Variants in PRKAR2A observed in about 807,000 individuals in gnomAD.
The protein encoded by PRKAR2A is cAMP-dependent protein kinase type II-alpha regulatory subunit.
In PRKAR2A, 29 loss-of-function variants were observed where a neutral mutation model predicts 51.9. The observed-to-expected ratio is 0.56, with a 90% CI of 0.42 to 0.76. The LOEUF (loss-of-function observed/expected upper bound fraction) is 0.76, where lower values mean the gene tolerates loss of function less well. Among genes scored for constraint, PRKAR2A ranks in the 30% least tolerant of loss-of-function variants. The pLI, the probability that PRKAR2A is intolerant of heterozygous loss-of-function variation, is 0.00. For missense variants in PRKAR2A, 445 were observed against 512.1 expected (o/e 0.87, Z 1.26); for synonymous variants, 178 against 186.2 (o/e 0.96, Z 0.36).
intron 8 of PRKAR2A, among the ~76,000 whole-genome samples, chr3:48,760,745 G>C (rs2081851583): frequency 6.7e-6 from 1 of 150,288 alleles, no homozygotes. Flanking sequence ...TGAGGCAGGA[G>C]AATCGCTTGA....
chr3:48,757,940 C>T (rs150292732), intron 8 of PRKAR2A, among the ~76,000 whole-genome samples: 29 of 152,250 alleles, frequency 1.9e-4, no homozygotes, highest in African/African-American at 6.7e-4. Context: ...CCTGTAATCC[C>T]AGCTACTTGG....
intron 2 of PRKAR2A, among the ~76,000 whole-genome samples, chr3:48,807,269 G>C (rs1034241667): frequency 6.6e-6 from 1 of 152,090 alleles, no homozygotes; most frequent in South Asian, 2.1e-4. Flanking sequence ...TCTCTGACCA[G>C]AGAATGCCAC....
chr3:48,844,987 G>GA (rs1361181575), intron 1 of PRKAR2A, among the ~76,000 whole-genome samples: 4 of 151,128 alleles, frequency 2.6e-5, no homozygotes, highest in South Asian at 2.1e-4. Flanking sequence ...TAATAAAAAA[G>GA]AAAAAAAACT....
At chr3:48,785,889 G>T (rs1277826495) in intron 4 of PRKAR2A, among the ~76,000 whole-genome samples, 2 of 152,060 alleles carry the variant, frequency 1.3e-5, no homozygotes, top group Non-Finnish European at 2.9e-5. Flanking sequence ...TCTAAGTAAA[G>T]GGCATCTGGG....
intron 2 of PRKAR2A, 108 bp from the exon 3 acceptor site, chr3:48,794,157 T>TA: frequency 1.3e-6 from 1 of 787,572 alleles, no homozygotes; most frequent in Non-Finnish European, 1.9e-6. Flanking sequence ...TTCTTTTCTT[T>TA]TTTTTTTTTT....
Position 48,798,663 on chromosome 3 carries a change from ATT to A in PRKAR2A, c.299-4616_299-4615del, listed in dbSNP as rs35860456. 5.0e-4 allele frequency among the ~76,000 whole-genome samples: 70 copies of A among 138,760 alleles called. No individual in the cohort carries two copies. In the East Asian group the frequency reaches 6.4e-3, roughly 13 times the overall value. The allele number at this position is 138,760 out of a possible 152,430, so 91.0% of individuals were successfully genotyped here. ...TTTGTGCATGAAATCTTCCTTTTTA[ATT>A]TTTTTTTTTTTTTTTGAGAGTCTCA... On this transcript the variant is annotated intron_variant, in intron 2 of 10. Transcript: ENST00000265563.
Position 48,770,338 on chromosome 3 carries a change from T to C in PRKAR2A, c.696+2617A>G, listed in dbSNP as rs186883404. On this transcript the variant is annotated intron_variant, in intron 6 of 10. Transcript: ENST00000265563. ...CAGGAATTTCCCAGGAAACCTTCTATTGACTTTCAATAAAGCAAGAGAAAG... is the reference window on the plus strand; with the variant it reads ...CAGGAATTTCCCAGGAAACCTTCTACTGACTTTCAATAAAGCAAGAGAAAG... 1.5e-4 allele frequency among the ~76,000 whole-genome samples: 23 copies of C among 152,280 alleles called. No individual in the cohort carries two copies. In the East Asian group the frequency reaches 2.3e-3, roughly 15 times the overall value.
intron 4 of PRKAR2A, among the ~76,000 whole-genome samples, chr3:48,783,632 G>A (rs964857168): frequency 3.3e-5 from 5 of 152,152 alleles, no homozygotes; most frequent in Non-Finnish European, 5.9e-5. Flanking sequence ...ACAGGCTGGA[G>A]TGCAGTGGTG....
chr3:48,754,691 T>C (rs76386029), intron 9 of PRKAR2A, among the ~76,000 whole-genome samples: 3 of 151,616 alleles, frequency 2.0e-5, no homozygotes, highest in African/African-American at 4.8e-5. Context: ...GGAGAATCGC[T>C]TGAACCCAGG....
intron 1 of PRKAR2A, among the ~76,000 whole-genome samples, chr3:48,820,893 A>C (rs940183081): frequency 2.0e-5 from 3 of 152,152 alleles, no homozygotes; most frequent in Non-Finnish European, 4.4e-5. Context: ...ATGTTGGCTA[A>C]ATGCCAGCTG....
At chr3:48,773,688 T>C (rs1170609657) in intron 5 of PRKAR2A, among the ~76,000 whole-genome samples, 1 of 151,862 alleles carries the variant, frequency 6.6e-6, no homozygotes, top group East Asian at 1.9e-4. Context: ...TTTTAATACT[T>C]CCTTTCCAAT....
At chr3:48,828,555 C>CA (rs2083108401) in intron 1 of PRKAR2A, among the ~76,000 whole-genome samples, 1 of 151,322 alleles carries the variant, frequency 6.6e-6, no homozygotes, top group African/African-American at 2.4e-5. Context: ...TCCGCCTCTA[C>CA]AAAAAAATAG....
chr3:48,802,250 C>T (rs1166751602), intron 2 of PRKAR2A, among the ~76,000 whole-genome samples: 1 of 152,084 alleles, frequency 6.6e-6, no homozygotes, highest in Non-Finnish European at 1.5e-5. Flanking sequence ...CCATGTTGGC[C>T]AGGCTGATCT....
At chr3:48,791,381 G>A (rs1195097827) in intron 3 of PRKAR2A, among the ~76,000 whole-genome samples, 1 of 148,810 alleles carries the variant, frequency 6.7e-6, no homozygotes, top group Non-Finnish European at 1.5e-5. Context: ...CGGATCACAA[G>A]GTCAGGAGTT....
chr3:48,773,221 GC>G (rs2082054051), intron 5 of PRKAR2A, 113 bp from the exon 6 acceptor site: 1 of 805,936 alleles, frequency 1.2e-6, no homozygotes, highest in Non-Finnish European at 1.9e-6. Context: ...ATGGAACTTT[GC>G]TAGTATATAA....
In PRKAR2A at chr3:48,747,307, G is replaced by T. The variant is rs896960625; in HGVS notation, c.*4278C>A. The T allele has an allele frequency of 6.6e-6, 1 of 152,054 alleles. No homozygotes were observed. Among genetic ancestry groups the T allele is most frequent in the African/African-American group, 2.4e-5 (1 of 41,386 alleles). 9.4% of individuals were successfully genotyped at this position (152,054 alleles called of 1,614,324 possible). The stretch of plus-strand genomic sequence containing the variant: ...TAAAAGATAAAAGATGACATTCATG[G>T]ATCTTTTTATTTTTCTCTGTGCAAA... On this transcript the variant is annotated 3_prime_UTR_variant, in exon 11 of 11. Coordinates refer to ENST00000265563, the MANE Select transcript of PRKAR2A (RefSeq NM_004157.4).
chr3:48,784,684 G>A (rs182531335), intron 4 of PRKAR2A, among the ~76,000 whole-genome samples: 1 of 152,250 alleles, frequency 6.6e-6, no homozygotes, highest in African/African-American at 2.4e-5. Flanking sequence ...GGTTAGAGGA[G>A]ACTAAAATAA....
Position 48,749,451 on chromosome 3 carries a change from C to T in PRKAR2A, c.*2134G>A, listed in dbSNP as rs976206537. ...AACATCTCAACTAGAAAGGCCTTCACAGTAATTCTATGAAATTGTAAATGA... is the reference window on the plus strand; with the variant it reads ...AACATCTCAACTAGAAAGGCCTTCATAGTAATTCTATGAAATTGTAAATGA... On this transcript the variant is annotated 3_prime_UTR_variant, in exon 11 of 11. Transcript: ENST00000265563. 2.6e-5 allele frequency: 4 copies of T among 151,662 alleles called. No individual in the cohort carries two copies. The highest frequency in any genetic ancestry group is 5.9e-5 in the Non-Finnish European group (4 of 67,958). 9.4% of individuals were successfully genotyped at this position (151,662 alleles called of 1,614,324 possible). A position where few individuals can be genotyped will look rare whatever the true frequency, so the allele number is the denominator to read the frequency against.
rs1287103913 is a variant in PRKAR2A at position 48,747,018 on chromosome 3, T to C, written c.*4567A>G. 1 of 148,162 alleles carries C rather than the reference T, an allele frequency of 6.7e-6. No individual in the cohort carries two copies. The highest frequency in any genetic ancestry group is 6.8e-5 in the Admixed American group (1 of 14,750). 9.2% of individuals were successfully genotyped at this position (148,162 alleles called of 1,614,324 possible). On this transcript the variant is annotated 3_prime_UTR_variant, in exon 11 of 11. Coordinates refer to ENST00000265563, the MANE Select transcript of PRKAR2A (RefSeq NM_004157.4). ...AAATGGTTTTACGCAAACCCCTCCA[T>C]GAGGTTAGTGACAGTTCTTGTCCTT...
Sources: allele counts gnomAD v4.1 joint callset (sites outside exome capture counted in the v4.1 genomes callset), GRCh38; gene constraint gnomAD v4.1.1; transcripts MANE v1.5; gene names NCBI Gene and HGNC (gene_info 2026-07-23, HGNC 2026-07-21).